PIAS1: variants seen among roughly 807,000 people sequenced by gnomAD.
PIAS1 encodes protein inhibitor of activated STAT 1.
Under a neutral mutation model 71.3 loss-of-function variants are expected in PIAS1, and 6 were observed. The ratio of observed to expected loss-of-function variants is 0.08; its 90% CI spans 0.05 to 0.17. PIAS1 has a LOEUF of 0.17. Among genes scored for constraint, PIAS1 ranks in the 10% least tolerant of loss-of-function variants. The probability of loss-of-function intolerance (pLI) is 1.00; values close to 1 mark genes in which losing one functional copy is unlikely to be tolerated. For missense variants in PIAS1, 555 were observed against 793.6 expected (o/e 0.70, Z 3.61); for synonymous variants, 303 against 292.9 (o/e 1.03, Z -0.35).
intron 2 of PIAS1, among the ~76,000 whole-genome samples, chr15:68,123,795 T>A (rs1344458149): frequency 6.6e-6 from 1 of 152,194 alleles, no homozygotes; most frequent in East Asian, 1.9e-4. Context: ...CTTGTATAAT[T>A]TCTGTCTTCA....
chr15:68,144,559 A>G (rs917599548), intron 4 of PIAS1, among the ~76,000 whole-genome samples: 1 of 152,138 alleles, frequency 6.6e-6, no homozygotes, highest in Non-Finnish European at 1.5e-5. Context: ...GCCAGGGTCC[A>G]TGTTTTAAAT....
intron 11 of PIAS1, among the ~76,000 whole-genome samples, chr15:68,177,666 C>G (rs1228358771): frequency 1.3e-5 from 2 of 152,214 alleles, no homozygotes; most frequent in South Asian, 2.1e-4. Flanking sequence ...TAAGTACAGT[C>G]TTAACCTTAA....
intron 13 of PIAS1, 93 bp downstream of exon 13, chr15:68,183,760 T>TA (rs2093070563): frequency 5.1e-6 from 3 of 592,390 alleles, no homozygotes; most frequent in Non-Finnish European, 9.4e-6. Context: ...ACAGGCCATA[T>TA]ATGCATTCCA....
intron 1 of PIAS1, among the ~76,000 whole-genome samples, chr15:68,062,877 C>G (rs982536293): frequency 3.3e-5 from 5 of 152,138 alleles, no homozygotes; most frequent in African/African-American, 1.2e-4. Context: ...CTTTCCATGA[C>G]ATGTCCAGAC....
At chr15:68,096,578 A>G (rs904407821) in intron 2 of PIAS1, among the ~76,000 whole-genome samples, 2 of 151,334 alleles carry the variant, frequency 1.3e-5, no homozygotes, top group African/African-American at 4.9e-5. Flanking sequence ...TTTTTTTTAT[A>G]TTTTTAATTT....
chr15:68,171,931 T>C lies in PIAS1; in HGVS notation c.1009-1801T>C, dbSNP rs2141087777. Among the ~76,000 whole-genome samples the C allele has an allele frequency of 6.6e-6, 1 of 151,866 alleles. No homozygotes were observed. Among genetic ancestry groups the C allele is most frequent in the East Asian group, 1.9e-4 (1 of 5,178 alleles). ...ATATTTTTTTCTTTTATATGTTTTA[T>C]ATATATATAAAATACTTTAAGTTCT... On this transcript the variant is annotated intron_variant, in intron 8 of 13. Transcript: ENST00000249636. This position sits in a 1 kb window ranked among gnomAD's most constrained non-coding sequence, Gnocchi z 4.4.
rs1227975209 is a variant in PIAS1 at position 68,192,126 on chromosome 15, A to G, written c.*4291A>G. ...TGTGCCATCTAAATCATTGGTATCT[A>G]TCTCCCATCTAATCTTTGGTATTCC... is the stretch of plus-strand genomic sequence containing the variant. On this transcript the variant is annotated 3_prime_UTR_variant, in exon 14 of 14. Coordinates refer to ENST00000249636, the MANE Select transcript of PIAS1 (RefSeq NM_016166.3). 6.6e-6 allele frequency: 1 copy of G among 152,162 alleles called. No homozygotes were observed. The highest frequency in any genetic ancestry group is 2.4e-5 in the African/African-American group (1 of 41,454). The allele number at this position is 152,162 out of a possible 1,614,324, so 9.4% of individuals were successfully genotyped here.
At chr15:68,119,947 G>C (rs1437516314) in intron 2 of PIAS1, among the ~76,000 whole-genome samples, 1 of 152,238 alleles carries the variant, frequency 6.6e-6, no homozygotes, top group South Asian at 2.1e-4. Flanking sequence ...TTCTCTGACA[G>C]CTTTGGTTTT....
chr15:68,130,879 G>A (rs2092684209), intron 2 of PIAS1, among the ~76,000 whole-genome samples: 2 of 152,156 alleles, frequency 1.3e-5, no homozygotes, highest in African/African-American at 4.8e-5. Flanking sequence ...TAATTCATCA[G>A]ATGTAATAAT....
chr15:68,088,856 G>T (rs959321810), intron 2 of PIAS1, among the ~76,000 whole-genome samples: 8 of 152,128 alleles, frequency 5.3e-5, no homozygotes, highest in Non-Finnish European at 1.2e-4. Flanking sequence ...TTTCCTAAAT[G>T]ATTATTTTTG....
chr15:68,081,469 C>G (rs2092227899), intron 1 of PIAS1, among the ~76,000 whole-genome samples: 1 of 152,060 alleles, frequency 6.6e-6, no homozygotes, highest in Admixed American at 6.6e-5. Flanking sequence ...CCAGGATTGT[C>G]TCTCATTTAA....
chr15:68,066,016 A>G (rs973519571), intron 1 of PIAS1, among the ~76,000 whole-genome samples: 1 of 144,228 alleles, frequency 6.9e-6, no homozygotes. Flanking sequence ...GCCTCCTAAA[A>G]GTGTTGGAAT....
intron 1 of PIAS1, among the ~76,000 whole-genome samples, chr15:68,080,331 A>G (rs1159853260): frequency 6.6e-6 from 1 of 152,168 alleles, no homozygotes; most frequent in Non-Finnish European, 1.5e-5. Flanking sequence ...TAATTGCAAT[A>G]TTTTGTCATT....
intron 8 of PIAS1, among the ~76,000 whole-genome samples, chr15:68,170,322 C>G (rs1266807622): frequency 1.3e-5 from 2 of 152,174 alleles, no homozygotes; most frequent in East Asian, 3.8e-4. Context: ...GCCTATTGCT[C>G]CTAGTTTGCA....
chr15:68,137,016 T>G (rs1336531947), intron 2 of PIAS1, among the ~76,000 whole-genome samples: 3 of 152,206 alleles, frequency 2.0e-5, no homozygotes, highest in Admixed American at 1.3e-4. Context: ...ATTCATTAAA[T>G]TAGCAGCAAC....
At chr15:68,066,021 T>C (rs2092020577) in intron 1 of PIAS1, among the ~76,000 whole-genome samples, 1 of 148,320 alleles carries the variant, frequency 6.7e-6, no homozygotes, top group Admixed American at 6.9e-5. Flanking sequence ...CTAAAAGTGT[T>C]GGAATTCAAG....
In PIAS1 at chr15:68,173,904, T is replaced by A; in HGVS notation, c.1169+12T>A. 6.8e-7 allele frequency: 1 copy of A among 1,471,016 alleles called. No homozygotes were observed. Among genetic ancestry groups the A allele is most frequent in the Non-Finnish European group, 9.1e-7 (1 of 1,093,508 alleles). The allele number at this position is 1,471,016 out of a possible 1,614,324, so 91.1% of individuals were successfully genotyped here. A position where few individuals can be genotyped will look rare whatever the true frequency, so the allele number is the denominator to read the frequency against. ...CTTATTATTGATGGGTATGTTACTT[T>A]AAGTGTTTTTGGTACCTTGAAATGA... On this transcript the variant is annotated intron_variant, in intron 9 of 13. Transcript: ENST00000249636. The surrounding 1 kb of genome is among the most constrained non-coding windows in gnomAD (Gnocchi z 4.3).
In PIAS1 at chr15:68,167,101, G is replaced by A. The variant is rs1465184745; in HGVS notation, c.1008+2297G>A. On this transcript the variant is annotated intron_variant, in intron 8 of 13. Coordinates refer to ENST00000249636, the MANE Select transcript of PIAS1 (RefSeq NM_016166.3). This position sits in a 1 kb window ranked among gnomAD's most constrained non-coding sequence, Gnocchi z 4.4. ...CTTGGCCTCCCTTGGGATTACAGGC[G>A]TGAGCCACCACACCTGGCCAGCAGT... Among the ~76,000 whole-genome samples the A allele has an allele frequency of 2.6e-5, 4 of 152,120 alleles. No homozygotes were observed. The highest frequency in any genetic ancestry group is 2.1e-4 in the South Asian group (1 of 4,834).
intron 2 of PIAS1, among the ~76,000 whole-genome samples, chr15:68,134,889 A>T (rs2141036920): frequency 2.5e-5 from 1 of 39,596 alleles, no homozygotes; most frequent in African/African-American, 5.3e-5. Flanking sequence ...GGCCGGGCAG[A>T]GGGGCTCCCC....
Sources: gnomAD v4.1 joint callset for allele counts (sites outside exome capture counted in the v4.1 genomes callset) on GRCh38, gnomAD v4.1.1 for gene constraint, Gnocchi (gnomAD v3.1) non-coding constraint, MANE v1.5 for transcripts, NCBI Gene and HGNC (gene_info 2026-07-23, HGNC 2026-07-21) for gene names.